The following ATP6V0A1 variants were observed in gnomAD, a reference collection of about 807,000 sequenced individuals.
The protein encoded by ATP6V0A1 is ATPase H+ transporting V0 subunit a1.
A neutral mutation model predicts 105.4 loss-of-function variants in ATP6V0A1; 43 were observed. The ratio of observed to expected loss-of-function variants is 0.41; its 90% confidence interval spans 0.32 to 0.53. ATP6V0A1 has a LOEUF of 0.53. ATP6V0A1 is among the 20% of genes least tolerant of loss of function. The pLI, the probability that ATP6V0A1 is intolerant of heterozygous loss-of-function variation, is 0.30. For missense variants in ATP6V0A1, 676 were observed against 1,051.1 expected (o/e 0.64, Z 4.93); for synonymous variants, 362 against 372.8 (o/e 0.97, Z 0.33).
Position 42,513,894 on chromosome 17 carries a change from A to G in ATP6V0A1, c.2164A>G (p.Ile722Val). 1.2e-6 allele frequency: 2 copies of G among 1,614,142 alleles called. No homozygotes were observed. Among genetic ancestry groups the G allele is most frequent in the Non-Finnish European group, 1.7e-6 (2 of 1,180,022 alleles). ...DFGDTMVHQA[I>V]HTIEYCLGCI... ...TGGGGACACCATGGTCCACCAGGCC[A>G]TCCACACCATCGAGTACTGCCTGGG... is the stretch of plus-strand genomic sequence containing the variant. The change falls in exon 20 of 22, where the codon ATC becomes GTC. Residue 722 changes from isoleucine to valine, a missense_variant. Ile to Val is a conservative substitution (Grantham distance 29, BLOSUM62 3). Around this residue, in one of 3 missense-constraint regions of ATP6V0A1, gnomAD observed 435 missense variants for 642.2 expected, o/e 0.68. Coordinates refer to ENST00000343619, the MANE Select transcript of ATP6V0A1 (RefSeq NM_001130021.3).
At chr17:42,496,731 C>T (rs752646995) in intron 14 of ATP6V0A1, among the ~76,000 whole-genome samples, 3 of 151,756 alleles carry the variant, frequency 2.0e-5, no homozygotes, top group Non-Finnish European at 4.4e-5. Context: ...GTCCCAGCTA[C>T]AGGAGGCTGT....
chr17:42,498,201 A>G (rs918785364), intron 14 of ATP6V0A1, among the ~76,000 whole-genome samples: 13 of 152,110 alleles, frequency 8.5e-5, no homozygotes, highest in African/African-American at 3.1e-4. Context: ...TGAACACTGC[A>G]CTCCATCCTG....
At position 42,520,677 on chromosome 17, in the gene ATP6V0A1, C is replaced by T. The variant is rs74768295; in HGVS notation, c.2421-350C>T. 2,614 of 433,504 alleles carry T rather than the reference C, an allele frequency of 6.0e-3. 23 individuals carry two copies. Among genetic ancestry groups the T allele is most frequent in the Non-Finnish European group, 0.01 (2,264 of 216,062 alleles). The allele number at this position is 433,504 out of a possible 1,614,324, so 26.9% of individuals were successfully genotyped here. A position where few individuals can be genotyped will look rare whatever the true frequency, so the allele number is the denominator to read the frequency against. ...TCCCTTAGAGGTGGGCTGTGTGATC[C>T]CCTGCCAGGAGGGGGCGATGGGGGC... On this transcript the variant is annotated intron_variant, in intron 21 of 21. Coordinates refer to ENST00000343619, the MANE Select transcript of ATP6V0A1 (RefSeq NM_001130021.3).
At chr17:42,509,797 A>C (rs1270254194) in intron 19 of ATP6V0A1, 1 of 152,248 alleles carries the variant, frequency 6.6e-6, no homozygotes, top group Non-Finnish European at 1.5e-5. Flanking sequence ...TTGGACATCC[A>C]ACAAGATAGA....
chr17:42,499,109 A>G (rs1202153498), intron 15 of ATP6V0A1, 67 bp downstream of exon 15: 51 of 1,182,054 alleles, frequency 4.3e-5, no homozygotes, highest in Middle Eastern at 2.0e-4. Flanking sequence ...TAAAGAAATC[A>G]TGACATCTTT....
chr17:42,476,387 T>C (rs1304480942), intron 5 of ATP6V0A1, among the ~76,000 whole-genome samples: 2 of 152,196 alleles, frequency 1.3e-5, no homozygotes, highest in African/African-American at 2.4e-5. Flanking sequence ...TGCCACTTTT[T>C]AAGAGTGTGG....
intron 21 of ATP6V0A1, among the ~76,000 whole-genome samples, chr17:42,515,075 T>C (rs887224859): frequency 4.6e-5 from 7 of 152,030 alleles, no homozygotes; most frequent in African/African-American, 1.7e-4. Context: ...AATGGCTGTG[T>C]GTGGAGAGAG....
At chr17:42,466,137 T>C (rs1242955035) in intron 2 of ATP6V0A1, among the ~76,000 whole-genome samples, 1 of 152,164 alleles carries the variant, frequency 6.6e-6, no homozygotes, top group Admixed American at 6.6e-5. Context: ...TTTTAGGTGG[T>C]GGGAAGGAAG....
rs1402897164 is a variant in ATP6V0A1 at position 42,511,695 on chromosome 17, G to A, written c.2131-2166G>A. 7.2e-5 allele frequency among the ~76,000 whole-genome samples: 11 copies of A among 152,236 alleles called. No individual in the cohort carries two copies. The East Asian group carries it at 7.8e-4, about 11-fold the overall frequency. On this transcript the variant is annotated intron_variant, in intron 19 of 21. Transcript: ENST00000343619. ...GTTAGCTTTAACAGCTGGGCCAGGC[G>A]CGGGGGCTCACGCCTGTAATCCCCA...
chr17:42,461,602 G>A (rs1277397647), intron 2 of ATP6V0A1, among the ~76,000 whole-genome samples: 1 of 152,090 alleles, frequency 6.6e-6, no homozygotes, highest in African/African-American at 2.4e-5. Flanking sequence ...GTGAAACCCC[G>A]ACTCTACTAA....
rs145185313 is a variant in ATP6V0A1, at chr17:42,497,249, A to G, written c.1560+1533A>G. ...TGGGAGGCAGAGGTTGCAGTGAGCC[A>G]AGATCACGTAACTGCACTCCGGCCT... On this transcript the variant is annotated intron_variant, in intron 14 of 21. Transcript: ENST00000343619. Among the ~76,000 whole-genome samples, 94 of 150,802 alleles carry G rather than the reference A, an allele frequency of 6.2e-4. No homozygotes were observed. In the Middle Eastern group the frequency reaches 0.01, roughly 16 times the overall value.
Position 42,513,845 on chromosome 17 carries a change from T to C in ATP6V0A1, c.2131-16T>C. On this transcript the variant is annotated splice_polypyrimidine_tract_variant and intron_variant, in intron 19 of 21. Coordinates refer to ENST00000343619, the MANE Select transcript of ATP6V0A1 (RefSeq NM_001130021.3). ...TCCTAGCCTTATATCTTCTCTCTGG[T>C]TTCCTCCCACGACAGTTTGACTTTG... 1 of 1,607,540 alleles carries C rather than the reference T, an allele frequency of 6.2e-7. No homozygotes were observed. Among genetic ancestry groups the C allele is most frequent in the South Asian group, 1.1e-5 (1 of 90,950 alleles).
At position 42,487,168 on chromosome 17, in the gene ATP6V0A1, C is replaced by T. The variant is rs1226165648; in HGVS notation, c.824C>T (p.Thr275Met). 3.1e-6 allele frequency: 5 copies of T among 1,614,120 alleles called. No individual in the cohort carries two copies. Among genetic ancestry groups the T allele is most frequent in the Admixed American group, 1.7e-5 (1 of 60,010 alleles). ...TTCTCCCCAAAGGTTCTGAATCAAA[C>T]GGAGGATCACCGCCAGAGGGTTCTG... ...IDDLQMVLNQ[T>M]EDHRQRVLQA... Residue 275 changes from threonine (T) to methionine (M), a missense_variant, in exon 10 of 22, where the codon ACG (threonine) becomes ATG (methionine). Thr to Met is a moderately conservative substitution (Grantham distance 81, BLOSUM62 -1). Transcript: ENST00000343619.
Position 42,490,475 on chromosome 17 carries a change from A to G in ATP6V0A1, c.1024-12A>G, listed in dbSNP as rs771887689. 1 of 1,593,278 alleles carries G rather than the reference A, an allele frequency of 6.3e-7. No individual in the cohort carries two copies. Among genetic ancestry groups the G allele is most frequent in the Non-Finnish European group, 8.5e-7 (1 of 1,172,910 alleles). ...ATAACCTAAGTTTGATAAATGTGCT[A>G]ATGTTTTTCAGGAACACAGTGGTTC... On this transcript the variant is annotated splice_polypyrimidine_tract_variant and intron_variant, in intron 10 of 21. Coordinates refer to ENST00000343619, the MANE Select transcript of ATP6V0A1 (RefSeq NM_001130021.3).
At chr17:42,520,939 C>T (rs2092817665) in intron 21 of ATP6V0A1, 88 bp from the exon 22 acceptor site, 16 of 1,181,008 alleles carry the variant, frequency 1.4e-5, no homozygotes, top group Middle Eastern at 2.0e-4. Flanking sequence ...GAGGTGGGCA[C>T]GGGGCATCTT....
At chr17:42,513,545 C>A in intron 19 of ATP6V0A1, 1 of 271,054 alleles carries the variant, frequency 3.7e-6, no homozygotes, top group Non-Finnish European at 7.2e-6. Flanking sequence ...AGCACAGAGC[C>A]CCAGAGGGAG....
At chr17:42,500,208 A>C (rs2091555849) in intron 15 of ATP6V0A1, among the ~76,000 whole-genome samples, 1 of 151,594 alleles carries the variant, frequency 6.6e-6, no homozygotes, top group Non-Finnish European at 1.5e-5. Flanking sequence ...GGCCTGGCAC[A>C]ATGGCTCACA....
intron 21 of ATP6V0A1, among the ~76,000 whole-genome samples, chr17:42,515,862 G>T (rs1486985812): frequency 6.6e-6 from 1 of 152,192 alleles, no homozygotes; most frequent in African/African-American, 2.4e-5. Flanking sequence ...TCCCAAATGT[G>T]CATGGGATAT....
chr17:42,466,063 C>T (rs1380108354), intron 2 of ATP6V0A1, among the ~76,000 whole-genome samples: 1 of 152,158 alleles, frequency 6.6e-6, no homozygotes, highest in Non-Finnish European at 1.5e-5. Context: ...AAGAGAAGTT[C>T]CTCTTGTGCT....
Sources: allele counts gnomAD v4.1 joint callset (sites outside exome capture counted in the v4.1 genomes callset), GRCh38; gene constraint gnomAD v4.1.1; regional missense constraint gnomAD v4.1.1; transcripts MANE v1.5; gene names NCBI Gene and HGNC (gene_info 2026-07-23, HGNC 2026-07-21).